The following GNAQ variants were observed in gnomAD, a reference collection of about 807,000 sequenced individuals.
GNAQ encodes the protein G protein subunit alpha q, also known as guanine nucleotide-binding protein G(q) subunit alpha.
GNAQ carries 8 observed loss-of-function variants against 43.9 expected under a neutral mutation model. The ratio of observed to expected loss-of-function variants is 0.18; its 90% CI spans 0.11 to 0.33. The LOEUF is 0.33. Ranked by LOEUF, GNAQ falls within the 10% of genes least tolerant of loss-of-function variation. The probability of loss-of-function intolerance (pLI) is 1.00; values close to 1 mark genes in which losing one functional copy is unlikely to be tolerated. For missense variants in GNAQ, 158 were observed against 450.8 expected, an observed-to-expected ratio of 0.35 and a Z score of 5.88; for synonymous variants, 155 against 170.7, an observed-to-expected ratio of 0.91 and a Z score of 0.71.
At chr9:77,760,342 G>C (rs893730534) in intron 5 of GNAQ, among the ~76,000 whole-genome samples, 5 of 152,066 alleles carry the variant, frequency 3.3e-5, no homozygotes, top group Admixed American at 6.5e-5. Context: ...GAGTGCCTGC[G>C]AGTGCAGGCG....
intron 1 of GNAQ, among the ~76,000 whole-genome samples, chr9:77,972,127 G>C (rs1823243925): frequency 6.6e-6 from 1 of 151,116 alleles, no homozygotes; most frequent in Non-Finnish European, 1.5e-5. Context: ...ATATTACAAG[G>C]AAAGTTCTAG....
intron 1 of GNAQ, among the ~76,000 whole-genome samples, chr9:77,929,376 C>CT: frequency 6.6e-6 from 1 of 152,282 alleles, no homozygotes; most frequent in South Asian, 2.1e-4. Flanking sequence ...CTGTCCAGAG[C>CT]TCCTGATCTT....
chr9:77,882,581 A>G (rs919033578), intron 2 of GNAQ, among the ~76,000 whole-genome samples: 6 of 152,366 alleles, frequency 3.9e-5, no homozygotes, highest in African/African-American at 1.2e-4. Flanking sequence ...GGGAAAGTCC[A>G]CAGCCACTAA....
chr9:78,006,708 G>A (rs1032135138), intron 1 of GNAQ, among the ~76,000 whole-genome samples: 16 of 152,152 alleles, frequency 1.1e-4, no homozygotes, highest in African/African-American at 3.6e-4. Flanking sequence ...GTTTTCATAT[G>A]TGTGTTTAGA....
Position 77,720,225 on chromosome 9 carries a change from T to A in GNAQ, c.*1098A>T, listed in dbSNP as rs568165072. The A allele has an allele frequency of 2.3e-3, 543 of 233,488 alleles. 1 individual carries two copies. Among genetic ancestry groups the A allele is most frequent in the Non-Finnish European group, 4.1e-3 (486 of 117,902 alleles). 14.5% of individuals were successfully genotyped at this position (233,488 alleles called of 1,614,324 possible). On this transcript the variant is annotated 3_prime_UTR_variant, in exon 7 of 7. Coordinates refer to ENST00000286548, the MANE Select transcript of GNAQ (RefSeq NM_002072.5). ...GCATTTCTGGTTCATTCTCAGCCAG[T>A]CATTTTAGGCTTCACAGTCTTACTC... is the stretch of plus-strand genomic sequence containing the variant.
chr9:77,841,135 C>G (rs1161357585), intron 2 of GNAQ, among the ~76,000 whole-genome samples: 2 of 135,866 alleles, frequency 1.5e-5, no homozygotes, highest in African/African-American at 5.7e-5. Flanking sequence ...TGTATTGAAG[C>G]ACAGACACAC....
chr9:77,736,546 T>C (rs1400931081), intron 5 of GNAQ, among the ~76,000 whole-genome samples: 1 of 152,186 alleles, frequency 6.6e-6, no homozygotes, highest in Non-Finnish European at 1.5e-5. Flanking sequence ...TCTACCTGCA[T>C]AGGATGTTTA....
intron 5 of GNAQ, among the ~76,000 whole-genome samples, chr9:77,780,705 T>A (rs1826382078): frequency 6.6e-6 from 1 of 152,028 alleles, no homozygotes; most frequent in Non-Finnish European, 1.5e-5. Flanking sequence ...CCACAGCAGC[T>A]ATATTAGTTT....
At chr9:77,786,141 G>A (rs1826472980) in intron 5 of GNAQ, among the ~76,000 whole-genome samples, 2 of 152,082 alleles carry the variant, frequency 1.3e-5, no homozygotes, top group Admixed American at 6.5e-5. Context: ...ACTTTGGGAG[G>A]CTGAGGCGGG....
intron 1 of GNAQ, among the ~76,000 whole-genome samples, chr9:78,027,551 G>A (rs995660995): frequency 6.6e-6 from 1 of 151,850 alleles, no homozygotes; most frequent in African/African-American, 2.4e-5. Context: ...GGCCTGTCGC[G>A]ACCAGCCTGA....
chr9:78,008,609 C>A (rs147588086), intron 1 of GNAQ, among the ~76,000 whole-genome samples: 1 of 129,732 alleles, frequency 7.7e-6, no homozygotes, highest in Non-Finnish European at 1.6e-5. Flanking sequence ...CATTTCATTT[C>A]ATTTCATTTC....
intron 2 of GNAQ, among the ~76,000 whole-genome samples, chr9:77,847,430 A>G (rs954814605): frequency 6.6e-6 from 1 of 152,156 alleles, no homozygotes; most frequent in Non-Finnish European, 1.5e-5. Context: ...GAGGAGATGG[A>G]AGAGGAAATG....
intron 6 of GNAQ, among the ~76,000 whole-genome samples, chr9:77,727,045 G>A (rs576175529): frequency 6.6e-6 from 1 of 152,146 alleles, no homozygotes; most frequent in East Asian, 1.9e-4. Context: ...CCAGGTGGTG[G>A]GCCATAAGGG....
At chr9:77,972,489 T>C (rs1823248398) in intron 1 of GNAQ, among the ~76,000 whole-genome samples, 3 of 152,198 alleles carry the variant, frequency 2.0e-5, no homozygotes, top group Admixed American at 1.3e-4. Flanking sequence ...ATGGGCTTCA[T>C]AAGCCCACTA....
chr9:77,791,035 C>T (rs956694226), intron 5 of GNAQ, among the ~76,000 whole-genome samples: 2 of 152,150 alleles, frequency 1.3e-5, no homozygotes, highest in African/African-American at 4.8e-5. Flanking sequence ...GTCAGGGAAT[C>T]CACCTTGATC....
chr9:77,769,121 CCTGGTGCGGTGA>C (rs1412514332), intron 5 of GNAQ, among the ~76,000 whole-genome samples: 4 of 152,138 alleles, frequency 2.6e-5, no homozygotes, highest in African/African-American at 9.7e-5. Context: ...AACAAATCGG[CCTGGTGCGGTGA>C]CTGCTGCCTG....
chr9:77,739,021 G>T (rs115443740), intron 5 of GNAQ, among the ~76,000 whole-genome samples: 1 of 152,040 alleles, frequency 6.6e-6, no homozygotes, highest in African/African-American at 2.4e-5. Context: ...AATTTTCTAT[G>T]TAACAGCCTA....
At chr9:77,909,641 C>A (rs1828767055) in intron 2 of GNAQ, among the ~76,000 whole-genome samples, 1 of 151,682 alleles carries the variant, frequency 6.6e-6, no homozygotes, top group African/African-American at 2.4e-5. Flanking sequence ...ATATGCCAGT[C>A]CTTTCAGTTA....
intron 1 of GNAQ, among the ~76,000 whole-genome samples, chr9:77,980,824 G>A (rs866722561): frequency 2.0e-5 from 3 of 152,186 alleles, no homozygotes; most frequent in Non-Finnish European, 2.9e-5. Context: ...TAAGAATCAT[G>A]CATAGAAACA....
Sources: gnomAD v4.1 joint callset for allele counts (sites outside exome capture counted in the v4.1 genomes callset) on GRCh38, gnomAD v4.1.1 for gene constraint, MANE v1.5 for transcripts, NCBI Gene and HGNC (gene_info 2026-07-23, HGNC 2026-07-21) for gene names.